The following MYH16 variants were observed in gnomAD, a reference collection of about 807,000 sequenced individuals.
The protein encoded by MYH16 is putative uncharacterized protein MYH16.
chr7:99,285,530 G>C (rs1428326897), intron 27 of MYH16, 92 bp downstream of exon 9: 1 of 439,734 alleles, frequency 2.3e-6, no homozygotes, highest in Non-Finnish European at 4.6e-6. Context: ...AAGGAAACCA[G>C]TAGAGAAGGC....
chr7:99,247,592 A>G, intron 2 of MYH16: 1 of 179,628 alleles, frequency 5.6e-6, no homozygotes, highest in African/African-American at 2.3e-5. Flanking sequence ...CCCTCCCACC[A>G]GACCTACTCG....
At position 99,276,359 on chromosome 7, in the gene MYH16, AT is replaced by A. The variant is rs141067475; in HGVS notation, n.2486-1179del. On this transcript the variant is annotated intron_variant and non_coding_transcript_variant, in intron 20 of 41. Coordinates refer to ENST00000439784, the Ensembl canonical transcript of MYH16. ...CTCCTGGGAAATGTATCTATTGACT[AT>A]GTATCTATTGTATCTATGGTATAAT... is the stretch of plus-strand genomic sequence containing the variant. 3.1e-3 allele frequency among the ~76,000 whole-genome samples: 475 copies of A among 152,330 alleles called. 14 individuals carry two copies. The East Asian group carries it at 0.088, about 28-fold the overall frequency.
chr7:99,259,621 G>C (rs555915119), intron 11 of MYH16, among the ~76,000 whole-genome samples: 1 of 151,592 alleles, frequency 6.6e-6, no homozygotes, highest in South Asian at 2.1e-4. Context: ...ACCACGCTTG[G>C]CTAATTTTGT....
intron 20 of MYH16, among the ~76,000 whole-genome samples, chr7:99,275,195 G>A (rs1186218390): frequency 2.6e-5 from 4 of 150,974 alleles, no homozygotes; most frequent in Admixed American, 1.3e-4. Flanking sequence ...ACAGGGTCTT[G>A]CTATGTTGCC....
chr7:99,276,767 T>C (rs577316053), intron 20 of MYH16, among the ~76,000 whole-genome samples: 1 of 151,174 alleles, frequency 6.6e-6, no homozygotes, highest in East Asian at 2.0e-4. Flanking sequence ...AGACAGAAGA[T>C]GAAAGGAGTG....
chr7:99,274,832 C>A (rs968441105), intron 20 of MYH16, among the ~76,000 whole-genome samples: 8 of 151,952 alleles, frequency 5.3e-5, no homozygotes, highest in African/African-American at 1.9e-4. Flanking sequence ...TGCCACCCTA[C>A]CTGGCTAATT....
At chr7:99,291,617 A>ACCCCCCCCC (rs34446113) in intron 31 of MYH16, among the ~76,000 whole-genome samples, 167 bp downstream of exon 12, 663 of 105,708 alleles carry the variant, frequency 6.3e-3, no homozygotes, top group Middle Eastern at 9.6e-3. Flanking sequence ...ACACAGCAAG[A>ACCCCCCCCC]CCCCCCCCCA....
intron 10 of MYH16, among the ~76,000 whole-genome samples, chr7:99,257,932 C>T (rs993047972): frequency 6.6e-6 from 1 of 152,198 alleles, no homozygotes; most frequent in African/African-American, 2.4e-5. Flanking sequence ...CAGGCATAAG[C>T]CACTGTGCCC....
exon 24 of MYH16, chr7:99,283,625 A>T: frequency 4.4e-6 from 2 of 456,638 alleles, no homozygotes; most frequent in South Asian, 1.5e-5. Flanking sequence ...CAAAAATAAC[A>T]GCAAGCTGAG....
chr7:99,273,438 G>T lies in MYH16; in HGVS notation n.2485+15G>T, dbSNP rs1304969221. On this transcript the variant is annotated intron_variant and non_coding_transcript_variant, in intron 20 of 41. Transcript: ENST00000439784. ...TGTACAACAAGGTGAGGGCCGAGGG[G>T]CCAGGCCAGGGGGGACTGCTGCTGC... The T allele has an allele frequency of 1.3e-5, 6 of 456,728 alleles. No homozygotes were observed. Among genetic ancestry groups the T allele is most frequent in the Non-Finnish European group, 2.2e-5 (5 of 226,996 alleles). 28.3% of individuals were successfully genotyped at this position (456,728 alleles called of 1,614,324 possible).
chr7:99,244,997 A>C (rs538383498), intron 2 of MYH16, among the ~76,000 whole-genome samples: 1 of 152,226 alleles, frequency 6.6e-6, no homozygotes, highest in Non-Finnish European at 1.5e-5. Context: ...CACTAATGCA[A>C]CAACTCTAGC....
intron 18 of MYH16, among the ~76,000 whole-genome samples, chr7:99,269,653 C>T (rs1792024347): frequency 6.6e-6 from 1 of 152,142 alleles, no homozygotes; most frequent in South Asian, 2.1e-4. Flanking sequence ...ATGGAAGTAT[C>T]ATACTTGACA....
At chr7:99,264,771 A>G (rs1242416387) in intron 15 of MYH16, among the ~76,000 whole-genome samples, 1 of 152,162 alleles carries the variant, frequency 6.6e-6, no homozygotes, top group South Asian at 2.1e-4. Context: ...CTAACAGTGG[A>G]CAGGGCTTTG....
At chr7:99,290,618 G>A (rs1290022582) in intron 30 of MYH16, among the ~76,000 whole-genome samples, 1 of 151,900 alleles carries the variant, frequency 6.6e-6, no homozygotes, top group Non-Finnish European at 1.5e-5. Flanking sequence ...TGGCCAACGT[G>A]GTAAAACCCG....
exon 22 of MYH16, chr7:99,279,675 G>T (rs775411644): frequency 8.8e-6 from 4 of 456,500 alleles, no homozygotes; most frequent in South Asian, 4.6e-5. Flanking sequence ...GGAGCTGAGC[G>T]ACCTGAAGCG....
intron 11 of MYH16, among the ~76,000 whole-genome samples, chr7:99,258,651 A>G (rs1391911155): frequency 6.6e-6 from 1 of 152,196 alleles, no homozygotes; most frequent in Non-Finnish European, 1.5e-5. Context: ...GTACTGGCTA[A>G]CAAGAGCTGA....
intron 30 of MYH16, among the ~76,000 whole-genome samples, chr7:99,290,504 A>AAAG (rs1792355192): frequency 1.4e-5 from 2 of 144,946 alleles, no homozygotes; most frequent in Non-Finnish European, 1.5e-5. Flanking sequence ...AAAAAAAAAA[A>AAAG]AAAATCAATA....
At chr7:99,261,624 C>G (rs1012459041) in exon 13 of MYH16, 1 of 153,434 alleles carries the variant, frequency 6.5e-6, no homozygotes, top group African/African-American at 2.4e-5. Context: ...TGGTTCACTA[C>G]GCAGGCACCG....
intron 23 of MYH16, among the ~76,000 whole-genome samples, chr7:99,283,104 C>G (rs768286781): frequency 2.0e-5 from 3 of 152,118 alleles, no homozygotes; most frequent in Non-Finnish European, 1.5e-5. Context: ...TTCCCATATG[C>G]CCCCTGGGGA....
Sources: allele counts gnomAD v4.1 joint callset (sites outside exome capture counted in the v4.1 genomes callset), GRCh38; gene constraint gnomAD v4.1.1; transcripts MANE v1.5; gene names NCBI Gene and HGNC (gene_info 2026-07-23, HGNC 2026-07-21).